Variants in MYH9 observed in about 807,000 individuals in gnomAD.
MYH9 encodes the protein myosin heavy chain 9.
In MYH9, 29 loss-of-function variants were observed where a neutral mutation model predicts 241.9. The ratio of observed to expected loss-of-function variants is 0.12; its 90% CI spans 0.09 to 0.16. The LOEUF (loss-of-function observed/expected upper bound fraction) is 0.16. Among genes scored for constraint, MYH9 ranks in the 10% least tolerant of loss-of-function variants. MYH9 has a pLI of 1.00. For missense variants in MYH9, 1,803 were observed against 2,595.5 expected, an observed-to-expected ratio of 0.69 and a Z score of 6.63; for synonymous variants, 1,047 against 1,062.6, an observed-to-expected ratio of 0.99 and a Z score of 0.29.
At chr22:36,342,665 A>G (rs914980476) in intron 2 of MYH9, among the ~76,000 whole-genome samples, 1 of 151,804 alleles carries the variant, frequency 6.6e-6, no homozygotes, top group Non-Finnish European at 1.5e-5. Context: ...AAGCTGCGCA[A>G]GACTCCCAAG....
rs942752629 is a variant in MYH9 at position 36,286,725 on chromosome 22, A to G, written c.5054T>C (p.Leu1685Ser). 1.9e-6 allele frequency: 3 copies of G among 1,612,690 alleles called. No homozygotes were observed. The highest frequency in any genetic ancestry group is 2.5e-6 in the Non-Finnish European group (3 of 1,180,026). The part of the protein sequence containing the change: ...LKSMEAEMIQ[L>S]QEELAAAERA... The stretch of plus-strand genomic sequence containing the variant: ...CATTGCAGCCCCACCCACCTCCTGC[A>G]ACTGGATCATCTCGGCCTCCATGCT... The change falls in exon 35 of 41, where the codon TTG becomes TCG. Residue 1685 changes from leucine (L) to serine (S), a missense_variant. Around this residue, in one of 11 missense-constraint regions of MYH9, gnomAD observed 876 missense variants for 1,077.8 expected, o/e 0.81. Transcript: ENST00000216181.
rs775685559 is a variant in MYH9 at position 36,282,700 on chromosome 22, C to T, written c.5851G>A (p.Ala1951Thr). ...GCAGGTTTGGCCTCAGCCCCATCCGCTTTGCCATCTACCTCTTCGTCGGAG... is the reference window on the plus strand; with the variant it reads ...GCAGGTTTGGCCTCAGCCCCATCCGTTTTGCCATCTACCTCTTCGTCGGAG... ...DGSDEEVDGK[A>T]DGAEAKPAE is the part of the protein sequence containing the mutation. Residue 1951 changes from alanine to threonine, a missense_variant, in exon 41 of 41, where the codon GCG becomes ACG. Around this residue, in one of 11 missense-constraint regions of MYH9, gnomAD observed 876 missense variants for 1,077.8 expected, o/e 0.81. Transcript: ENST00000216181. 3.4e-5 allele frequency: 55 copies of T among 1,613,938 alleles called. No homozygotes were observed. Among genetic ancestry groups the T allele is most frequent in the Non-Finnish European group, 4.1e-5 (48 of 1,180,050 alleles).
intron 12 of MYH9, among the ~76,000 whole-genome samples, chr22:36,315,654 G>T (rs558182778): frequency 5.7e-4 from 87 of 152,146 alleles, no homozygotes; most frequent in South Asian, 1.2e-3. Context: ...AAGCTGAGGT[G>T]GGAGAATGGC....
At chr22:36,361,353 G>A (rs2017933189) in intron 1 of MYH9, among the ~76,000 whole-genome samples, 1 of 152,158 alleles carries the variant, frequency 6.6e-6, no homozygotes, top group South Asian at 2.1e-4. Flanking sequence ...CTTGAAGCGG[G>A]CATGGAGGGG....
At chr22:36,344,709 C>T (rs2017649125) in intron 2 of MYH9, among the ~76,000 whole-genome samples, 1 of 152,182 alleles carries the variant, frequency 6.6e-6, no homozygotes, top group Non-Finnish European at 1.5e-5. Context: ...ACCCACCACG[C>T]CCACCCACAG....
rs2071730 is a variant in MYH9 at position 36,293,980 on chromosome 22, G to T, written c.3837+112C>A. The stretch of plus-strand genomic sequence containing the variant: ...CACAAGCTGAACCATGAGGGTCTGA[G>T]GAGCCAGTTTGAGAAGAGAGAGAGA... On this transcript the variant is annotated intron_variant, in intron 28 of 40. Transcript: ENST00000216181. The surrounding 1 kb of genome is among the most constrained non-coding windows in gnomAD (Gnocchi z 5.1). 4.0e-5 allele frequency: 59 copies of T among 1,476,528 alleles called. No individual in the cohort carries two copies. The South Asian group carries it at 5.5e-4, about 14-fold the overall frequency. 91.5% of individuals were successfully genotyped at this position (1,476,528 alleles called of 1,614,324 possible).
intron 1 of MYH9, among the ~76,000 whole-genome samples, chr22:36,379,466 G>A (rs939366202): frequency 2.0e-5 from 3 of 152,142 alleles, no homozygotes; most frequent in South Asian, 2.1e-4. Flanking sequence ...CTGAGATCGC[G>A]CCACTGCACT....
Position 36,285,132 on chromosome 22 carries a change from G to A in MYH9, c.5472C>T (p.Asp1824=), listed in dbSNP as rs776848084. 4 of 1,614,022 alleles carry A rather than the reference G, an allele frequency of 2.5e-6. No homozygotes were observed. The highest frequency in any genetic ancestry group is 2.2e-5 in the South Asian group (2 of 91,078). ...CCAGGGGCACGTACTTGGTCTCGTT[G>A]TCCAGCTGCTCCTCCAGCTGTGCAA... is the stretch of plus-strand genomic sequence containing the variant. ...AKIAQLEEQL[D]NETKERQAAC... The change falls in exon 38 of 41, where the codon GAC becomes GAT. Residue 1824 remains aspartate (D), a synonymous_variant. Coordinates refer to ENST00000216181, the MANE Select transcript of MYH9 (RefSeq NM_002473.6). The surrounding 1 kb of genome is among the most constrained non-coding windows in gnomAD (Gnocchi z 7.0).
intron 32 of MYH9, 47 bp downstream of exon 32, chr22:36,289,038 C>A (rs375287681): frequency 1.2e-6 from 2 of 1,613,224 alleles, no homozygotes; most frequent in African/African-American, 1.3e-5. Flanking sequence ...CTGTGATGAC[C>A]CCACTCGGGC....
intron 3 of MYH9, among the ~76,000 whole-genome samples, chr22:36,327,997 C>T (rs1202486675): frequency 1.3e-5 from 2 of 152,234 alleles, no homozygotes; most frequent in Non-Finnish European, 2.9e-5. Flanking sequence ...AAGATGCTGC[C>T]TCACAGCCTG....
chr22:36,320,957 T>C lies in MYH9; in HGVS notation c.770-61A>G. 3 of 374,076 alleles carry C rather than the reference T, an allele frequency of 8.0e-6. No homozygotes were observed. Among genetic ancestry groups the C allele is most frequent in the Non-Finnish European group, 1.2e-5 (3 of 250,834 alleles). 23.2% of individuals were successfully genotyped at this position (374,076 alleles called of 1,614,324 possible). ...GAAGGCAAGCCCTCCACTTTCCTCA[T>C]TTTTTTTTTTTTGGAGACAGAGTCT... On this transcript the variant is annotated intron_variant, in intron 7 of 40. Coordinates refer to ENST00000216181, the MANE Select transcript of MYH9 (RefSeq NM_002473.6). This position sits in a 1 kb window ranked among gnomAD's most constrained non-coding sequence, Gnocchi z 4.8.
At chr22:36,357,403 T>G (rs1416297681) in intron 1 of MYH9, among the ~76,000 whole-genome samples, 1 of 152,174 alleles carries the variant, frequency 6.6e-6, no homozygotes, top group South Asian at 2.1e-4. Flanking sequence ...ACTATGGCTA[T>G]CTGGGGCCAG....
intron 30 of MYH9, among the ~76,000 whole-genome samples, chr22:36,292,974 G>A (rs922715271): frequency 1.3e-5 from 2 of 152,198 alleles, no homozygotes; most frequent in East Asian, 1.9e-4. Context: ...CAAGGAGCTC[G>A]GCCACAACCC....
In MYH9 at chr22:36,306,102, C is replaced by T. The variant is rs754716434; in HGVS notation, c.2038-51G>A. The T allele has an allele frequency of 5.6e-6, 9 of 1,608,902 alleles. No individual in the cohort carries two copies. The highest frequency in any genetic ancestry group is 1.7e-5 in the Admixed American group (1 of 59,996). ...GTCTCACTTCCGTGCCTAGAACAGT[C>T]GGAGAATAGTCAGGGAACCCCTATG... On this transcript the variant is annotated intron_variant, in intron 16 of 40. Coordinates refer to ENST00000216181, the MANE Select transcript of MYH9 (RefSeq NM_002473.6). The surrounding 1 kb of genome is among the most constrained non-coding windows in gnomAD (Gnocchi z 4.1).
At chr22:36,318,359 A>G (rs2017193253) in intron 10 of MYH9, 34 bp from the exon 11 acceptor site, 24 of 1,522,102 alleles carry the variant, frequency 1.6e-5, no homozygotes, top group Non-Finnish European at 2.2e-5. Context: ...GAGGGACAAA[A>G]AGTCCTAATT....
At chr22:36,334,903 A>C (rs1376855557) in intron 3 of MYH9, among the ~76,000 whole-genome samples, 2 of 152,192 alleles carry the variant, frequency 1.3e-5, no homozygotes, top group Non-Finnish European at 2.9e-5. Context: ...TTAGGAAGCT[A>C]AAGAGGCAGA....
At chr22:36,348,837 A>AACCCCCCCCCCCC in intron 2 of MYH9, 67 bp downstream of exon 2, 1 of 539,148 alleles carries the variant, frequency 1.9e-6, no homozygotes, top group Non-Finnish European at 2.9e-6. Context: ...TGATGGGAAG[A>AACCCCCCCCCCCC]CCCGCCCCCC....
chr22:36,302,061 A>C (rs1427439234), intron 20 of MYH9, among the ~76,000 whole-genome samples: 1 of 152,236 alleles, frequency 6.6e-6, no homozygotes, highest in African/African-American at 2.4e-5. Context: ...TATATGAGTC[A>C]AACTCAGCTA....
intron 24 of MYH9, 134 bp from the exon 25 acceptor site, chr22:36,297,148 C>T (rs1407946693): frequency 1.1e-5 from 11 of 986,204 alleles, no homozygotes; most frequent in Non-Finnish European, 1.5e-5. Flanking sequence ...CACAGACACT[C>T]GCACCCAACT....
Sources: allele counts gnomAD v4.1 joint callset (sites outside exome capture counted in the v4.1 genomes callset), GRCh38; gene constraint gnomAD v4.1.1; regional missense constraint gnomAD v4.1.1; non-coding constraint Gnocchi (gnomAD v3.1); transcripts MANE v1.5; gene names NCBI Gene and HGNC (gene_info 2026-07-23, HGNC 2026-07-21).